SLC2A13: variants seen among roughly 807,000 people sequenced by gnomAD.
The protein encoded by SLC2A13 is solute carrier family 2 member 13.
Under a neutral mutation model 64.4 loss-of-function variants are expected in SLC2A13, and 32 were observed. The observed-to-expected ratio is 0.50, with a 90% confidence interval of 0.37 to 0.67. The LOEUF (loss-of-function observed/expected upper bound fraction) is 0.67, where lower values mean the gene tolerates loss of function less well. SLC2A13 is among the 30% of genes least tolerant of loss of function. SLC2A13 has a pLI of 0.00. For missense variants in SLC2A13, 743 were observed against 829.2 expected (o/e 0.90, Z 1.28); for synonymous variants, 338 against 327.1 (o/e 1.03, Z -0.36).
At chr12:39,874,813 A>C (rs1026097136) in intron 4 of SLC2A13, among the ~76,000 whole-genome samples, 3 of 152,194 alleles carry the variant, frequency 2.0e-5, no homozygotes, top group African/African-American at 7.2e-5. Context: ...TACTCTGGTG[A>C]GAGCCAAGTG....
chr12:39,893,803 T>A (rs1272254535), intron 4 of SLC2A13, among the ~76,000 whole-genome samples: 1 of 152,258 alleles, frequency 6.6e-6, no homozygotes, highest in African/African-American at 2.4e-5. Flanking sequence ...CAATTTACTT[T>A]AAGCCCACAA....
intron 9 of SLC2A13, 39 bp from the exon 10 acceptor site, chr12:39,760,291 TAG>T: frequency 1.3e-6 from 2 of 1,540,628 alleles, no homozygotes; most frequent in Non-Finnish European, 1.8e-6. Context: ...TATGAATATA[TAG>T]AGAGAGGCTT....
rs1297040936 is a variant in SLC2A13 at position 39,758,185 on chromosome 12, T to A, written c.*1841A>T. 2 of 151,692 alleles carry A rather than the reference T, an allele frequency of 1.3e-5. No individual in the cohort carries two copies. Among genetic ancestry groups the A allele is most frequent in the Non-Finnish European group, 3.0e-5 (2 of 67,730 alleles). The allele number at this position is 151,692 out of a possible 1,614,324, so 9.4% of individuals were successfully genotyped here. On this transcript the variant is annotated 3_prime_UTR_variant, in exon 10 of 10. Coordinates refer to ENST00000280871, the MANE Select transcript of SLC2A13 (RefSeq NM_052885.4). ...AAAAAACCTCTATAAAATATTAATT[T>A]TTTTTATTATATGAAATGACCAAAG...
chr12:39,840,681 G>A (rs552424017), intron 6 of SLC2A13, among the ~76,000 whole-genome samples: 9 of 152,042 alleles, frequency 5.9e-5, no homozygotes, highest in Admixed American at 5.2e-4. Context: ...CAGAATCAGA[G>A]GCATCACTAT....
At chr12:39,986,156 C>T (rs936355471) in intron 3 of SLC2A13, among the ~76,000 whole-genome samples, 1 of 151,946 alleles carries the variant, frequency 6.6e-6, no homozygotes, top group Non-Finnish European at 1.5e-5. Flanking sequence ...GGCCCCATAT[C>T]CTAATATAAA....
At position 39,760,292 on chromosome 12, in the gene SLC2A13, A is replaced by G; in HGVS notation, c.1721-40T>C. 5 of 1,533,998 alleles carry G rather than the reference A, an allele frequency of 3.3e-6. No homozygotes were observed. In the South Asian group the frequency reaches 4.7e-5, roughly 15 times the overall value. The stretch of plus-strand genomic sequence containing the variant: ...AATAGATACATGAATATGAATATAT[A>G]GAGAGAGGCTTAAGTTGGAAAGATT... On this transcript the variant is annotated intron_variant, in intron 9 of 9. Transcript: ENST00000280871.
rs184476394 is a variant in SLC2A13 at position 39,758,811 on chromosome 12, T to C, written c.*1215A>G. ...ATGTATCTTTTTTTTTTCTGGTAAA[T>C]TCTCAGGAAAATGAGAAAAGTGTGC... On this transcript the variant is annotated 3_prime_UTR_variant, in exon 10 of 10. Transcript: ENST00000280871. 92 of 151,764 alleles carry C rather than the reference T, an allele frequency of 6.1e-4. No individual in the cohort carries two copies. The highest frequency in any genetic ancestry group is 2.1e-3 in the African/African-American group (86 of 41,430). The allele number at this position is 151,764 out of a possible 1,614,324, so 9.4% of individuals were successfully genotyped here. A position where few individuals can be genotyped will look rare whatever the true frequency, so the allele number is the denominator to read the frequency against.
At chr12:40,091,056 T>C (rs1257942377) in intron 1 of SLC2A13, among the ~76,000 whole-genome samples, 1 of 152,202 alleles carries the variant, frequency 6.6e-6, no homozygotes, top group Non-Finnish European at 1.5e-5. Flanking sequence ...TATAGCCTAC[T>C]GCTCCTAGGC....
At chr12:39,930,159 A>T (rs1483882235) in intron 4 of SLC2A13, among the ~76,000 whole-genome samples, 1 of 151,858 alleles carries the variant, frequency 6.6e-6, no homozygotes, top group African/African-American at 2.4e-5. Context: ...AAAAACGAAA[A>T]AGAATGTGGC....
At chr12:40,040,486 G>A (rs1948066925) in intron 2 of SLC2A13, among the ~76,000 whole-genome samples, 1 of 152,086 alleles carries the variant, frequency 6.6e-6, no homozygotes, top group East Asian at 1.9e-4. Context: ...TCTGCCTTCT[G>A]GGTTCAAGAT....
intron 3 of SLC2A13, among the ~76,000 whole-genome samples, chr12:39,968,796 A>ATCTATC (rs1946584582): frequency 2.2e-5 from 1 of 45,790 alleles, no homozygotes; most frequent in African/African-American, 7.4e-5. Flanking sequence ...ATATATATAT[A>ATCTATC]TATATATATA....
At chr12:39,798,843 CAT>C (rs1941671940) in intron 7 of SLC2A13, among the ~76,000 whole-genome samples, 3 of 151,788 alleles carry the variant, frequency 2.0e-5, no homozygotes, top group Non-Finnish European at 4.4e-5. Context: ...GATGTATAAA[CAT>C]ATGTTAATGC....
chr12:39,972,035 T>C (rs1277510365), intron 3 of SLC2A13, among the ~76,000 whole-genome samples: 1 of 8,152 alleles, frequency 1.2e-4, no homozygotes, highest in Non-Finnish European at 3.8e-4. Flanking sequence ...TATAAATATA[T>C]ATATAAATTA....
intron 3 of SLC2A13, among the ~76,000 whole-genome samples, chr12:40,020,170 T>A (rs534376902): frequency 6.6e-6 from 1 of 152,296 alleles, no homozygotes; most frequent in East Asian, 1.9e-4. Flanking sequence ...TCTGAGAAGA[T>A]CTCTGCTGAC....
intron 1 of SLC2A13, among the ~76,000 whole-genome samples, chr12:40,075,270 A>G (rs1424577617): frequency 1.3e-5 from 2 of 152,176 alleles, no homozygotes; most frequent in African/African-American, 2.4e-5. Context: ...AGATTTGTCC[A>G]CAGTGAATCT....
At chr12:39,847,338 C>T (rs919917796) in intron 6 of SLC2A13, among the ~76,000 whole-genome samples, 7 of 152,134 alleles carry the variant, frequency 4.6e-5, no homozygotes, top group African/African-American at 9.7e-5. Flanking sequence ...TAACTGGGCA[C>T]ATTGTGGCTC....
chr12:39,997,977 CTAAAAG>C (rs1171806949), intron 3 of SLC2A13, among the ~76,000 whole-genome samples: 3 of 152,128 alleles, frequency 2.0e-5, no homozygotes, highest in Non-Finnish European at 4.4e-5. Flanking sequence ...CCTTAAAGAA[CTAAAAG>C]TAAAACTATC....
At chr12:39,992,874 C>T (rs1947161112) in intron 3 of SLC2A13, among the ~76,000 whole-genome samples, 2 of 152,162 alleles carry the variant, frequency 1.3e-5, no homozygotes, top group Non-Finnish European at 2.9e-5. Flanking sequence ...CATTTTCTCA[C>T]ACAGAAAAAC....
chr12:40,007,946 G>T (rs985136526), intron 3 of SLC2A13, among the ~76,000 whole-genome samples: 4 of 151,920 alleles, frequency 2.6e-5, no homozygotes, highest in African/African-American at 9.7e-5. Context: ...ATATACAATG[G>T]GTTTTACGGG....
Sources: gnomAD v4.1 joint callset for allele counts (sites outside exome capture counted in the v4.1 genomes callset) on GRCh38, gnomAD v4.1.1 for gene constraint, MANE v1.5 for transcripts, NCBI Gene and HGNC (gene_info 2026-07-23, HGNC 2026-07-21) for gene names.